The following STXBP5 variants were observed in gnomAD, a reference collection of about 807,000 sequenced individuals.
STXBP5 encodes syntaxin-binding protein 5.
A neutral mutation model predicts 152.4 loss-of-function variants in STXBP5; 50 were observed. The observed-to-expected ratio is 0.33, with a 90% CI of 0.26 to 0.42. The LOEUF (loss-of-function observed/expected upper bound fraction) is 0.42, where lower values mean the gene tolerates loss of function less well. Ranked by LOEUF, STXBP5 falls within the 10% of genes least tolerant of loss-of-function variation. STXBP5 has a pLI of 1.00. For missense variants in STXBP5, 1,167 were observed against 1,388.6 expected, an observed-to-expected ratio of 0.84 and a Z score of 2.54; for synonymous variants, 492 against 494.7, an observed-to-expected ratio of 0.99 and a Z score of 0.07.
intron 12 of STXBP5, 82 bp from the exon 13 acceptor site, chr6:147,314,182 T>TACAC (rs5880705): frequency 0.017 from 15,647 of 939,438 alleles, 89 homozygotes; most frequent in East Asian, 0.057. Context: ...CTGGATTATT[T>TACAC]ACACACACAC....
At chr6:147,237,395 A>G (rs1041138190) in intron 3 of STXBP5, among the ~76,000 whole-genome samples, 1 of 141,798 alleles carries the variant, frequency 7.1e-6, no homozygotes, top group African/African-American at 2.5e-5. Context: ...TATATACTGT[A>G]TAGGTGAAGG....
intron 4 of STXBP5, among the ~76,000 whole-genome samples, chr6:147,253,865 C>G (rs757699765): frequency 2.0e-5 from 3 of 152,136 alleles, no homozygotes; most frequent in Non-Finnish European, 2.9e-5. Context: ...AATGGCCATA[C>G]TGCCCAAAGT....
intron 21 of STXBP5, among the ~76,000 whole-genome samples, chr6:147,346,230 C>T (rs1161597077): frequency 6.6e-6 from 1 of 152,112 alleles, no homozygotes; most frequent in East Asian, 1.9e-4. Context: ...GATTCTGGGA[C>T]TCCTGAGAAT....
At chr6:147,240,237 T>A (rs1234169994) in intron 4 of STXBP5, among the ~76,000 whole-genome samples, 1 of 152,182 alleles carries the variant, frequency 6.6e-6, no homozygotes, top group Non-Finnish European at 1.5e-5. Context: ...CCACCAAGCC[T>A]GGCCTTTGTA....
intron 26 of STXBP5, among the ~76,000 whole-genome samples, chr6:147,381,687 A>G (rs1236090248): frequency 6.6e-6 from 1 of 152,192 alleles, no homozygotes; most frequent in East Asian, 1.9e-4. Flanking sequence ...ATAAAATGAC[A>G]CGTTATTCAT....
chr6:147,249,623 A>T (rs1054511041), intron 4 of STXBP5, among the ~76,000 whole-genome samples: 13 of 152,216 alleles, frequency 8.5e-5, no homozygotes, highest in Middle Eastern at 3.2e-3. Flanking sequence ...AATAAAATGC[A>T]AGAGGAGAGA....
At chr6:147,347,423 A>G (rs1784388920) in intron 21 of STXBP5, among the ~76,000 whole-genome samples, 1 of 152,206 alleles carries the variant, frequency 6.6e-6, no homozygotes, top group African/African-American at 2.4e-5. Flanking sequence ...ATTAAGTACT[A>G]CAGCAAAATA....
chr6:147,383,233 G>C (rs1449366887), intron 27 of STXBP5, among the ~76,000 whole-genome samples: 2 of 151,894 alleles, frequency 1.3e-5, no homozygotes, highest in African/African-American at 4.8e-5. Flanking sequence ...CCACCTTCAG[G>C]CTTTTGGTAA....
Position 147,213,477 on chromosome 6 carries a change from T to TGTGTGTGTGTGCGCGCGC in STXBP5, c.248+7410_248+7411insTGTGTGTGTGCGCGCGCG. Among the ~76,000 whole-genome samples, 238 of 131,302 alleles carry TGTGTGTGTGTGCGCGCGC rather than the reference T, an allele frequency of 1.8e-3. 1 individual carries two copies. Among genetic ancestry groups the TGTGTGTGTGTGCGCGCGC allele is most frequent in the African/African-American group, 5.1e-3 (160 of 31,348 alleles). The allele number at this position is 131,302 out of a possible 152,430, so 86.1% of individuals were successfully genotyped here. On this transcript the variant is annotated intron_variant, in intron 2 of 27. Transcript: ENST00000321680. ...GTGTGTGTGTGTGTGTGTGTGTGTG[T>TGTGTGTGTGTGCGCGCGC]GCGCGCGCATATATATATTTTTTCT...
intron 13 of STXBP5, 93 bp downstream of exon 13, chr6:147,314,424 G>A: frequency 1.5e-6 from 2 of 1,329,934 alleles, no homozygotes. Context: ...GACAGGTAGA[G>A]CTTTCCTTTA....
chr6:147,281,299 C>T (rs889476939), intron 8 of STXBP5, among the ~76,000 whole-genome samples: 2 of 152,058 alleles, frequency 1.3e-5, no homozygotes, highest in African/African-American at 4.8e-5. Context: ...CTCAGGTGAT[C>T]CACCCGCCTC....
intron 21 of STXBP5, among the ~76,000 whole-genome samples, chr6:147,350,789 A>G (rs1456288551): frequency 6.6e-6 from 1 of 152,198 alleles, no homozygotes; most frequent in Non-Finnish European, 1.5e-5. Flanking sequence ...AATAACATTT[A>G]TTAAATCATA....
intron 15 of STXBP5, 50 bp downstream of exon 15, chr6:147,315,785 T>G: frequency 1.3e-6 from 2 of 1,548,442 alleles, no homozygotes; most frequent in Non-Finnish European, 1.8e-6. Flanking sequence ...CATCCACATT[T>G]TTAAATTTGT....
rs1312981754 is a variant in STXBP5, at chr6:147,387,424, A to T, written c.*2669A>T. The T allele has an allele frequency of 1.3e-5, 2 of 151,670 alleles. No individual in the cohort carries two copies. The highest frequency in any genetic ancestry group is 4.8e-5 in the African/African-American group (2 of 41,388). 9.4% of individuals were successfully genotyped at this position (151,670 alleles called of 1,614,324 possible). On this transcript the variant is annotated 3_prime_UTR_variant, in exon 28 of 28. Transcript: ENST00000321680. ...TTTGTCCTTGACTCTAAAATCACTG[A>T]AGTATTCATGATTAGTAGTTTGTAA...
At chr6:147,366,042 A>G (rs746189702) in intron 25 of STXBP5, among the ~76,000 whole-genome samples, 29 of 152,204 alleles carry the variant, frequency 1.9e-4, no homozygotes, top group Non-Finnish European at 3.4e-4. Context: ...TAATGCCTTA[A>G]TAGAGTGTTC....
At chr6:147,332,268 C>T (rs567574892) in intron 18 of STXBP5, among the ~76,000 whole-genome samples, 30 of 152,236 alleles carry the variant, frequency 2.0e-4, no homozygotes, top group African/African-American at 7.0e-4. Flanking sequence ...AATTCTCTAC[C>T]CTCATGGAAC....
At chr6:147,228,008 C>G (rs1174841020) in intron 2 of STXBP5, among the ~76,000 whole-genome samples, 1 of 152,088 alleles carries the variant, frequency 6.6e-6, no homozygotes, top group Non-Finnish European at 1.5e-5. Flanking sequence ...GAACCTGCCT[C>G]CAGTGAATAC....
chr6:147,314,023 A>G lies in STXBP5; in HGVS notation c.1285A>G (p.Ser429Gly). ...VGARQKRQGY[S>G]KKEWPINGGN... ...AGCTAGACAGAAACGTCAAGGTTAC[A>G]GCAAAAAGGTATTGAACATGAGCTT... The change falls in exon 12 of 28, where the codon AGC becomes GGC. Residue 429 changes from serine (S) to glycine (G), a missense_variant. This residue lies in a region of STXBP5 where 833 missense variants were observed against 986.3 expected (regional missense o/e 0.84). Coordinates refer to ENST00000321680, the MANE Select transcript of STXBP5 (RefSeq NM_001127715.4). 6.3e-7 allele frequency: 1 copy of G among 1,583,632 alleles called. No individual in the cohort carries two copies. The highest frequency in any genetic ancestry group is 8.6e-7 in the Non-Finnish European group (1 of 1,160,722).
At chr6:147,219,374 T>C (rs1042058912) in intron 2 of STXBP5, among the ~76,000 whole-genome samples, 1 of 152,158 alleles carries the variant, frequency 6.6e-6, no homozygotes, top group South Asian at 2.1e-4. Flanking sequence ...GGATTGATCT[T>C]AGTTTTCTTT....
Sources: gnomAD v4.1 joint callset for allele counts (sites outside exome capture counted in the v4.1 genomes callset) on GRCh38, gnomAD v4.1.1 for gene constraint, gnomAD v4.1.1 regional missense constraint, MANE v1.5 for transcripts, NCBI Gene and HGNC (gene_info 2026-07-23, HGNC 2026-07-21) for gene names.